The following GOLM1 variants were observed in gnomAD, a reference collection of about 807,000 sequenced individuals.
GOLM1 encodes epididymis luminal protein 46.
In GOLM1, 31 loss-of-function variants were observed where a neutral mutation model predicts 50.5. That is an observed-to-expected ratio of 0.61 (90% CI 0.46 to 0.83). The LOEUF (loss-of-function observed/expected upper bound fraction) is 0.83, where lower values mean the gene tolerates loss of function less well. Among genes scored for constraint, GOLM1 ranks in the 40% least tolerant of loss-of-function variants. The pLI, the probability that GOLM1 is intolerant of heterozygous loss-of-function variation, is 0.00. For missense variants in GOLM1, 491 were observed against 501.3 expected, an observed-to-expected ratio of 0.98 and a Z score of 0.20; for synonymous variants, 178 against 192.8, an observed-to-expected ratio of 0.92 and a Z score of 0.64.
chr9:86,070,845 C>A (rs768957460), intron 3 of GOLM1, among the ~76,000 whole-genome samples: 2 of 152,098 alleles, frequency 1.3e-5, no homozygotes, highest in Non-Finnish European at 1.5e-5. Context: ...ATATTACACA[C>A]AGAAATGTAG....
rs1834647485 is a variant in GOLM1 at position 86,077,302 on chromosome 9, A to C, written c.309+110T>G. On this transcript the variant is annotated intron_variant, in intron 3 of 9. Coordinates refer to ENST00000388712, the MANE Select transcript of GOLM1 (RefSeq NM_016548.4). ...TTGATCAATAGGCTCTTTCCACATA[A>C]TTACATAAATCTAAACCCAGCCGCT... is the stretch of plus-strand genomic sequence containing the variant. The C allele has an allele frequency of 4.7e-6, 4 of 842,350 alleles. No individual in the cohort carries two copies. In the South Asian group the frequency reaches 4.8e-5, roughly 10 times the overall value. 52.2% of individuals were successfully genotyped at this position (842,350 alleles called of 1,614,324 possible).
At chr9:86,065,851 C>T (rs1563961635) in intron 3 of GOLM1, among the ~76,000 whole-genome samples, 1 of 152,120 alleles carries the variant, frequency 6.6e-6, no homozygotes, top group Non-Finnish European at 1.5e-5. Context: ...ACCAGCCTGG[C>T]CAACATGGTG....
In GOLM1 at chr9:86,027,786, C is replaced by G. The variant is rs1287926250; in HGVS notation, c.*31G>C. On this transcript the variant is annotated 3_prime_UTR_variant, in exon 10 of 10. Coordinates refer to ENST00000388712, the MANE Select transcript of GOLM1 (RefSeq NM_016548.4). ...AACATTTTATAGTCATCTCTTCGGCCCTGTTGTGAAATATGTGATTCCAGT... is the reference window on the plus strand; with the variant it reads ...AACATTTTATAGTCATCTCTTCGGCGCTGTTGTGAAATATGTGATTCCAGT... 1 of 1,607,258 alleles carries G rather than the reference C, an allele frequency of 6.2e-7. No individual in the cohort carries two copies. Among genetic ancestry groups the G allele is most frequent in the Admixed American group, 1.7e-5 (1 of 58,996 alleles).
chr9:86,060,317 G>C (rs1036551836), intron 3 of GOLM1, among the ~76,000 whole-genome samples: 1 of 152,076 alleles, frequency 6.6e-6, no homozygotes, highest in Admixed American at 6.6e-5. Flanking sequence ...CAGGGAAAGC[G>C]GGGAGAGGGA....
intron 1 of GOLM1, among the ~76,000 whole-genome samples, chr9:86,083,822 A>C (rs1834862641): frequency 6.6e-6 from 1 of 152,176 alleles, no homozygotes; most frequent in African/African-American, 2.4e-5. Flanking sequence ...GTCTCTAAAA[A>C]CTCAGAGAAA....
Position 86,069,363 on chromosome 9 carries a change from T to A in GOLM1, c.309+8049A>T, listed in dbSNP as rs184698130. On this transcript the variant is annotated intron_variant, in intron 3 of 9. Transcript: ENST00000388712. ...AGGAAGTGTGGTGCTTCTACTAAGT[T>A]ACATAAATTCTCATGAACTTGCACA... is the stretch of plus-strand genomic sequence containing the variant. 2.1e-3 allele frequency among the ~76,000 whole-genome samples: 322 copies of A among 152,338 alleles called. 2 individuals are homozygous for A. Among genetic ancestry groups the A allele is most frequent in the Admixed American group, 5.9e-3 (90 of 15,298 alleles).
Position 86,027,141 on chromosome 9 carries a change from C to T in GOLM1, c.*676G>A, listed in dbSNP as rs944009220. 1.0e-6 allele frequency: 1 copy of T among 985,056 alleles called. No homozygotes were observed. Among genetic ancestry groups the T allele is most frequent in the African/African-American group, 1.7e-5 (1 of 57,224 alleles). 61.0% of individuals were successfully genotyped at this position (985,056 alleles called of 1,614,324 possible). On this transcript the variant is annotated 3_prime_UTR_variant, in exon 10 of 10. Transcript: ENST00000388712. ...AAAGTAAATAAAGACCACAAATGTT[C>T]AAATTCTAAGCCACTTAATAGCGTT...
intron 1 of GOLM1, among the ~76,000 whole-genome samples, chr9:86,092,413 T>C (rs1305751282): frequency 6.6e-6 from 1 of 152,230 alleles, no homozygotes; most frequent in Non-Finnish European, 1.5e-5. Flanking sequence ...GTACCTGCCA[T>C]TACCTGGGGC....
intron 3 of GOLM1, among the ~76,000 whole-genome samples, chr9:86,054,224 G>A (rs1204129541): frequency 6.6e-6 from 1 of 151,846 alleles, no homozygotes; most frequent in Non-Finnish European, 1.5e-5. Flanking sequence ...GTCACTTTAT[G>A]CCAGGAGCTC....
chr9:86,027,914 A>C, intron 9 of GOLM1, 21 bp from the exon 10 acceptor site: 1 of 1,408,316 alleles, frequency 7.1e-7, no homozygotes, highest in Non-Finnish European at 1.0e-6. Context: ...AAAACACATA[A>C]TATTCTATAG....
intron 1 of GOLM1, among the ~76,000 whole-genome samples, chr9:86,086,109 A>G (rs563882303): frequency 4.5e-4 from 68 of 152,284 alleles, no homozygotes; most frequent in Non-Finnish European, 7.9e-4. Flanking sequence ...AAGCGTTCCT[A>G]TTTCTCCATT....
At chr9:86,070,816 G>A (rs1473444563) in intron 3 of GOLM1, among the ~76,000 whole-genome samples, 1 of 152,078 alleles carries the variant, frequency 6.6e-6, no homozygotes, top group Non-Finnish European at 1.5e-5. Flanking sequence ...TAGATTGCAA[G>A]AAATAAGAAA....
At chr9:86,073,481 A>G (rs1336843294) in intron 3 of GOLM1, among the ~76,000 whole-genome samples, 1 of 152,236 alleles carries the variant, frequency 6.6e-6, no homozygotes, top group African/African-American at 2.4e-5. Flanking sequence ...TAAGCTGAAC[A>G]GATCATTCTG....
intron 8 of GOLM1, chr9:86,035,056 G>A (rs1418194800): frequency 1.0e-6 from 1 of 985,204 alleles, no homozygotes; most frequent in East Asian, 1.1e-4. Context: ...AATGGGGCAT[G>A]TGGCCTGCCT....
Position 86,035,528 on chromosome 9 carries a change from T to C in GOLM1, c.855A>G (p.Val285=), listed in dbSNP as rs2118642356. 1 of 1,612,266 alleles carries C rather than the reference T, an allele frequency of 6.2e-7. No homozygotes were observed. The change falls in exon 8 of 10, where the codon GTA becomes GTG. Residue 285 remains valine (V), a synonymous_variant. Transcript: ENST00000388712. ...GREQVVEDRP[V]GGRGFGGAGE... is the part of the protein sequence containing the mutation. ...CGGCTCCCCCGAAGCCTCTTCCACC[T>C]ACAGGTCTGTCTTCCACCACCTGCT... is the stretch of plus-strand genomic sequence containing the variant.
chr9:86,034,092 G>A (rs1161560807), intron 8 of GOLM1, among the ~76,000 whole-genome samples: 4 of 151,880 alleles, frequency 2.6e-5, no homozygotes, highest in African/African-American at 9.7e-5. Flanking sequence ...AGCCTCCCGA[G>A]TGGCTGGGAT....
chr9:86,026,658 T>G lies in GOLM1; in HGVS notation c.*1159A>C. On this transcript the variant is annotated 3_prime_UTR_variant, in exon 10 of 10. Coordinates refer to ENST00000388712, the MANE Select transcript of GOLM1 (RefSeq NM_016548.4). ...CAGTCATTAATGATGTGGCCAGTTA[T>G]TTGCAAGTGGTAAGAGCCTATTTAC... 1 of 984,818 alleles carries G rather than the reference T, an allele frequency of 1.0e-6. No individual in the cohort carries two copies. Among genetic ancestry groups the G allele is most frequent in the Non-Finnish European group, 1.2e-6 (1 of 829,400 alleles). 61.0% of individuals were successfully genotyped at this position (984,818 alleles called of 1,614,324 possible).
intron 1 of GOLM1, among the ~76,000 whole-genome samples, chr9:86,093,716 T>C (rs962007870): frequency 2.0e-5 from 3 of 152,224 alleles, no homozygotes; most frequent in Non-Finnish European, 2.9e-5. Flanking sequence ...AGCCTTCTAA[T>C]TACTTTTTTT....
At chr9:86,053,313 CAGCAGGCCACACACCACACT>C (rs1833837282) in intron 3 of GOLM1, among the ~76,000 whole-genome samples, 1 of 134,544 alleles carries the variant, frequency 7.4e-6, no homozygotes, top group Non-Finnish European at 1.6e-5. Context: ...CACCAAACCA[CAGCAGGCCACACACCACACT>C]ACACCACGCC....
Sources: gnomAD v4.1 joint callset for allele counts (sites outside exome capture counted in the v4.1 genomes callset) on GRCh38, gnomAD v4.1.1 for gene constraint, MANE v1.5 for transcripts, NCBI Gene and HGNC (gene_info 2026-07-23, HGNC 2026-07-21) for gene names.